Variants in C1QTNF7 observed in about 807,000 individuals in gnomAD.
The protein encoded by C1QTNF7 is C1q and TNF related 7.
C1QTNF7 carries 15 observed loss-of-function variants against 19.6 expected under a neutral mutation model. The observed-to-expected ratio is 0.76, with a 90% CI of 0.51 to 1.18. The LOEUF (loss-of-function observed/expected upper bound fraction) is 1.18, where lower values mean the gene tolerates loss of function less well. C1QTNF7 is among the 50% of genes most tolerant of loss of function. C1QTNF7 has a pLI of 0.00. For missense variants in C1QTNF7, 324 were observed against 359.7 expected, an observed-to-expected ratio of 0.90 and a Z score of 0.80; for synonymous variants, 142 against 137.5, an observed-to-expected ratio of 1.03 and a Z score of -0.23.
intron 1 of C1QTNF7, among the ~76,000 whole-genome samples, chr4:15,414,760 G>A (rs1719529648): frequency 6.6e-6 from 1 of 151,932 alleles, no homozygotes; most frequent in Admixed American, 6.6e-5. Flanking sequence ...CATAGCATCA[G>A]TCACTCTGAT....
In C1QTNF7 at chr4:15,443,360, C is replaced by T. The variant is rs878873100; in HGVS notation, c.*561C>T. On this transcript the variant is annotated 3_prime_UTR_variant, in exon 3 of 3. Coordinates refer to ENST00000444304, the MANE Select transcript of C1QTNF7 (RefSeq NM_031911.5). ...AGCCTGTAAGGACCAGACACTGTGG[C>T]GCTGAATCAGATTTAATAATGAGTT... The T allele has an allele frequency of 1.3e-5, 2 of 152,386 alleles. No homozygotes were observed. Among genetic ancestry groups the T allele is most frequent in the East Asian group, 1.9e-4 (1 of 5,206 alleles). The allele number at this position is 152,386 out of a possible 1,614,324, so 9.4% of individuals were successfully genotyped here.
At chr4:15,377,991 G>T (rs1718005257) in intron 1 of C1QTNF7, among the ~76,000 whole-genome samples, 1 of 152,144 alleles carries the variant, frequency 6.6e-6, no homozygotes, top group South Asian at 2.1e-4. Context: ...AAGAGCCAAA[G>T]TCCCTGCCTT....
At chr4:15,415,076 C>A (rs1719548132) in intron 1 of C1QTNF7, among the ~76,000 whole-genome samples, 1 of 152,238 alleles carries the variant, frequency 6.6e-6, no homozygotes, top group Non-Finnish European at 1.5e-5. Context: ...CACACTTGCT[C>A]AACTGAACAA....
At chr4:15,411,654 T>C (rs1719407003) in intron 1 of C1QTNF7, among the ~76,000 whole-genome samples, 1 of 152,144 alleles carries the variant, frequency 6.6e-6, no homozygotes, top group South Asian at 2.1e-4. Context: ...CCCCTATTCT[T>C]TTTGTTGCCT....
At chr4:15,361,043 TC>T (rs1477011865) in intron 1 of C1QTNF7, 1 of 152,124 alleles carries the variant, frequency 6.6e-6, no homozygotes, top group Admixed American at 6.6e-5. Flanking sequence ...CTACTATATT[TC>T]TAATAAGGAA....
intron 1 of C1QTNF7, among the ~76,000 whole-genome samples, chr4:15,393,412 T>C (rs1276871047): frequency 6.6e-6 from 1 of 152,178 alleles, no homozygotes; most frequent in African/African-American, 2.4e-5. Context: ...CCCAGGCTGC[T>C]AAATCTTAGA....
chr4:15,362,545 C>T (rs564473069), intron 1 of C1QTNF7: 3 of 152,290 alleles, frequency 2.0e-5, no homozygotes, highest in African/African-American at 7.2e-5. Flanking sequence ...CAAAGAAGAT[C>T]ATATATGTAA....
At chr4:15,345,338 T>C (rs575233454) in intron 1 of C1QTNF7, among the ~76,000 whole-genome samples, 4 of 152,330 alleles carry the variant, frequency 2.6e-5, no homozygotes, top group African/African-American at 9.6e-5. Flanking sequence ...GAAGTCACTG[T>C]CAAGGCCAAG....
At chr4:15,424,134 T>C (rs966267880), upstream of C1QTNF7, among the ~76,000 whole-genome samples, 1 of 152,208 alleles carries the variant, frequency 6.6e-6, no homozygotes, top group African/African-American at 2.4e-5. Context: ...TCCAGTTACA[T>C]GAACAATTTT....
chr4:15,439,258 A>C (rs1371718882), intron 2 of C1QTNF7, among the ~76,000 whole-genome samples: 1 of 152,238 alleles, frequency 6.6e-6, no homozygotes, highest in Non-Finnish European at 1.5e-5. Flanking sequence ...TCTATCACCC[A>C]ATTCAGCATC....
Position 15,442,211 on chromosome 4 carries a change from AG to A in C1QTNF7, c.286del (p.Asp96ThrfsTer11). ...TGPLGLAGEK[G>X]DQGETGKKGP... is the part of the protein sequence containing the mutation. Reference sequence around the variant, plus strand: ...GACCGCTAGGTCTTGCCGGTGAGAAAGGGGACCAAGGAGAGACTGGGAAGAA... The same window carrying A: ...GACCGCTAGGTCTTGCCGGTGAGAAAGGGACCAAGGAGAGACTGGGAAGAA... On this transcript the variant is annotated frameshift_variant, in exon 3 of 3. Transcript: ENST00000444304. LOFTEE classifies it high-confidence loss of function. 1 of 1,613,380 alleles carries A rather than the reference AG, an allele frequency of 6.2e-7. No individual in the cohort carries two copies. The highest frequency in any genetic ancestry group is 8.5e-7 in the Non-Finnish European group (1 of 1,179,772).
At chr4:15,350,722 CAG>C (rs1340370806) in intron 1 of C1QTNF7, among the ~76,000 whole-genome samples, 3 of 152,096 alleles carry the variant, frequency 2.0e-5, no homozygotes, top group African/African-American at 7.2e-5. Context: ...CAAGCTGAAC[CAG>C]AGAGACTGTG....
chr4:15,428,125 T>C lies in C1QTNF7; in HGVS notation c.-9+19T>C, dbSNP rs187878982. 52 of 981,950 alleles carry C rather than the reference T, an allele frequency of 5.3e-5. No homozygotes were observed. The highest frequency in any genetic ancestry group is 1.2e-4 in the Admixed American group (2 of 16,282). 60.8% of individuals were successfully genotyped at this position (981,950 alleles called of 1,614,324 possible). A position where few individuals can be genotyped will look rare whatever the true frequency, so the allele number is the denominator to read the frequency against. On this transcript the variant is annotated intron_variant, in intron 1 of 2. Coordinates refer to ENST00000444304, the MANE Select transcript of C1QTNF7 (RefSeq NM_031911.5). ...GAGCAAGGTATGGTGTTTACTCTTT[T>C]TTTTAGAATTTTGGCAAATGTAGAT...
intron 1 of C1QTNF7, among the ~76,000 whole-genome samples, chr4:15,376,721 G>A (rs1383286340): frequency 6.6e-6 from 1 of 152,190 alleles, no homozygotes; most frequent in Admixed American, 6.5e-5. Context: ...TTAAACCACA[G>A]CCTCCTGCCC....
At chr4:15,355,498 C>T (rs1013692009) in intron 1 of C1QTNF7, among the ~76,000 whole-genome samples, 3 of 151,990 alleles carry the variant, frequency 2.0e-5, no homozygotes, top group African/African-American at 7.3e-5. Context: ...ATATTGAGAT[C>T]GTGCACGGTG....
rs373815266 is a variant in C1QTNF7 at position 15,368,894 on chromosome 4, T to C, written c.13+28687T>C. 9.8e-5 allele frequency among the ~76,000 whole-genome samples: 15 copies of C among 152,376 alleles called. No individual in the cohort carries two copies. In the East Asian group the frequency reaches 2.7e-3, roughly 27 times the overall value. On this transcript the variant is annotated intron_variant, in intron 1 of 2. Transcript: ENST00000295297. Reference sequence around the variant, plus strand: ...AGAGTTCTTTAGGGCAGATGGTTCATTTATTCTGGGAAAGCCAACCAAATG... The same window carrying C: ...AGAGTTCTTTAGGGCAGATGGTTCACTTATTCTGGGAAAGCCAACCAAATG...
chr4:15,424,436 A>G (rs925488056), upstream of C1QTNF7, among the ~76,000 whole-genome samples: 8 of 152,252 alleles, frequency 5.3e-5, no homozygotes, highest in Non-Finnish European at 1.0e-4. Flanking sequence ...CAGGTAGCCA[A>G]ATGCTGGCTC....
intron 1 of C1QTNF7, among the ~76,000 whole-genome samples, chr4:15,383,721 A>C (rs1193797118): frequency 2.0e-5 from 3 of 152,232 alleles, no homozygotes; most frequent in Non-Finnish European, 2.9e-5. Context: ...GAATGCTTTC[A>C]GGTAGCAACG....
intron 1 of C1QTNF7, chr4:15,340,271 T>C (rs144023384): frequency 2.0e-6 from 3 of 1,526,342 alleles, no homozygotes; most frequent in Non-Finnish European, 2.7e-6. Flanking sequence ...CATCAAAATA[T>C]TTCCTGGGAG....
Sources: gnomAD v4.1 joint callset for allele counts (sites outside exome capture counted in the v4.1 genomes callset) on GRCh38, gnomAD v4.1.1 for gene constraint, MANE v1.5 for transcripts, NCBI Gene and HGNC (gene_info 2026-07-23, HGNC 2026-07-21) for gene names.